COP1: variants seen among roughly 807,000 people sequenced by gnomAD.
The protein encoded by COP1 is COP1 E3 ubiquitin ligase.
COP1 carries 24 observed loss-of-function variants against 101.3 expected under a neutral mutation model. The ratio of observed to expected loss-of-function variants is 0.24; its 90% CI spans 0.17 to 0.33. The LOEUF is 0.33. Ranked by LOEUF, COP1 falls within the 10% of genes least tolerant of loss-of-function variation. COP1 has a pLI of 1.00. For synonymous variants in COP1, 347 were observed against 341.9 expected (o/e 1.01, Z -0.17); for missense variants, 663 against 906.2 (o/e 0.73, Z 3.45).
In COP1 at chr1:175,960,252, A is replaced by T. The variant is rs537842071; in HGVS notation, c.2134-13013T>A. 7.9e-5 allele frequency among the ~76,000 whole-genome samples: 12 copies of T among 152,326 alleles called. No individual in the cohort carries two copies. In the South Asian group the frequency reaches 2.5e-3, roughly 32 times the overall value. ...ATTAAATGTCTTTGGAGTCTGAAAG[A>T]TTTCAATTCAAAGCTCTAACGCTTC... On this transcript the variant is annotated intron_variant, in intron 18 of 19. Transcript: ENST00000367669.
intron 15 of COP1, among the ~76,000 whole-genome samples, chr1:176,007,277 C>T (rs1663510687): frequency 6.6e-6 from 1 of 152,058 alleles, no homozygotes; most frequent in Admixed American, 6.5e-5. Flanking sequence ...AACTTCTTTG[C>T]CTTTGGTTTG....
At chr1:176,055,740 T>G (rs2149260843) in intron 11 of COP1, among the ~76,000 whole-genome samples, 1 of 152,358 alleles carries the variant, frequency 6.6e-6, no homozygotes, top group African/African-American at 2.4e-5. Context: ...CTGATTAGGT[T>G]GACTAACAAT....
At chr1:176,148,094 G>A (rs904941700) in intron 6 of COP1, among the ~76,000 whole-genome samples, 19 of 151,316 alleles carry the variant, frequency 1.3e-4, no homozygotes, top group Admixed American at 5.3e-4. Flanking sequence ...AAAAACCTGA[G>A]ACACAAGTAA....
chr1:176,038,249 G>A (rs938795204), intron 14 of COP1, among the ~76,000 whole-genome samples: 3 of 152,046 alleles, frequency 2.0e-5, no homozygotes, highest in African/African-American at 4.8e-5. Flanking sequence ...AATCATAAAA[G>A]CCCTACATAT....
chr1:176,092,076 G>A (rs968585978), intron 9 of COP1, among the ~76,000 whole-genome samples: 3 of 152,068 alleles, frequency 2.0e-5, no homozygotes, highest in African/African-American at 7.2e-5. Context: ...ACATTTTTCA[G>A]GCAGAAATTG....
intron 15 of COP1, among the ~76,000 whole-genome samples, chr1:175,994,269 C>T (rs528569951): frequency 1.3e-5 from 2 of 151,946 alleles, no homozygotes; most frequent in African/African-American, 4.8e-5. Context: ...AGGAACAACC[C>T]ATACCAGCCA....
At chr1:176,000,654 AAC>A (rs1202061872) in intron 15 of COP1, among the ~76,000 whole-genome samples, 1 of 151,994 alleles carries the variant, frequency 6.6e-6, no homozygotes, top group East Asian at 1.9e-4. Flanking sequence ...TGAAATCCAA[AAC>A]ACATCTGGTT....
intron 9 of COP1, among the ~76,000 whole-genome samples, chr1:176,107,745 A>G (rs540579046): frequency 4.8e-4 from 73 of 152,288 alleles, no homozygotes; most frequent in African/African-American, 1.8e-3. Flanking sequence ...TCGAGTGATC[A>G]AAGTTAACAT....
chr1:176,046,778 T>C (rs1671595908), intron 11 of COP1, among the ~76,000 whole-genome samples: 1 of 152,058 alleles, frequency 6.6e-6, no homozygotes, highest in Non-Finnish European at 1.5e-5. Context: ...TAAATTAGTA[T>C]ATAATTTGAA....
rs575321615 is a variant in COP1, at chr1:176,171,707, TA to T, written c.565+4202del. Among the ~76,000 whole-genome samples the T allele has an allele frequency of 3.8e-3, 571 of 151,502 alleles. 6 individuals are homozygous for T. The highest frequency in any genetic ancestry group is 0.013 in the African/African-American group (542 of 40,808). ...TTTGTTAAAAAAAATGCAACTTCTA[TA>T]AAGTGCAATAAAGCAAAGTACAATA... On this transcript the variant is annotated intron_variant, in intron 3 of 19. Transcript: ENST00000367669.
At chr1:175,969,340 A>C (rs12723724) in intron 18 of COP1, among the ~76,000 whole-genome samples, 41,010 of 152,068 alleles carry the variant, frequency 0.27, 6,603 homozygotes, top group East Asian at 0.49. Flanking sequence ...AAGCAGGAAG[A>C]CCTTCTCCCA....
intron 8 of COP1, among the ~76,000 whole-genome samples, chr1:176,130,510 C>T (rs144129765): frequency 2.6e-5 from 4 of 151,626 alleles, no homozygotes; most frequent in African/African-American, 4.8e-5. Flanking sequence ...ATTAATTCTA[C>T]GGAAAGTCTG....
intron 18 of COP1, among the ~76,000 whole-genome samples, chr1:175,969,080 C>T (rs921097152): frequency 2.6e-5 from 4 of 152,196 alleles, no homozygotes; most frequent in East Asian, 3.8e-4. Context: ...TCTGGTAAAG[C>T]TGATTCTAGA....
At chr1:176,056,930 G>A (rs1448810410) in intron 11 of COP1, among the ~76,000 whole-genome samples, 1 of 152,098 alleles carries the variant, frequency 6.6e-6, no homozygotes, top group Non-Finnish European at 1.5e-5. Context: ...CTGAGCAAAG[G>A]ATAAAGTTAT....
chr1:175,952,239 T>C lies in COP1; in HGVS notation c.2134-5000A>G, dbSNP rs374909267. Among the ~76,000 whole-genome samples the C allele has an allele frequency of 4.0e-5, 6 of 151,338 alleles. No homozygotes were observed. The South Asian group carries it at 1.0e-3, about 26-fold the overall frequency. On this transcript the variant is annotated intron_variant, in intron 18 of 19. Transcript: ENST00000367669. The stretch of plus-strand genomic sequence containing the variant: ...GAGTTTGAGAGCAGCCTGGCCAACA[T>C]GGTGAAACCCCATCTCTACTAAAAA...
intron 6 of COP1, among the ~76,000 whole-genome samples, chr1:176,138,886 C>T (rs902747045): frequency 6.6e-6 from 1 of 152,164 alleles, no homozygotes; most frequent in Non-Finnish European, 1.5e-5. Context: ...AAAACACTCC[C>T]ATGGTAATCT....
intron 15 of COP1, among the ~76,000 whole-genome samples, chr1:176,023,829 A>C (rs1667214042): frequency 6.6e-6 from 1 of 152,210 alleles, no homozygotes. Flanking sequence ...CAGTTTCTCT[A>C]ATGAATTCTA....
rs765927993 is a variant in COP1, at chr1:176,206,703, C to A, written c.276G>T (p.Ala92=). 1.9e-6 allele frequency: 3 copies of A among 1,602,072 alleles called. No homozygotes were observed. The highest frequency in any genetic ancestry group is 3.4e-5 in the Admixed American group (2 of 59,518). The change falls in exon 1 of 20, where the codon GCG becomes GCT. Residue 92 remains alanine, a synonymous_variant. Coordinates refer to ENST00000367669, the MANE Select transcript of COP1 (RefSeq NM_022457.7). ...VSTGLSRHSC[A]ARPSAGVGGS... ...CTCCTACGCCGGCGCTGGGCCTGGC[C>A]GCGCAGCTGTGCCGGGACAGGCCCG...
intron 17 of COP1, 71 bp from the exon 18 acceptor site, chr1:175,987,174 T>C: frequency 1.3e-6 from 1 of 774,834 alleles, no homozygotes; most frequent in East Asian, 2.9e-5. Context: ...AGTCTAATAG[T>C]AATTATCAGC....
Sources: allele counts gnomAD v4.1 joint callset (sites outside exome capture counted in the v4.1 genomes callset), GRCh38; gene constraint gnomAD v4.1.1; transcripts MANE v1.5; gene names NCBI Gene and HGNC (gene_info 2026-07-23, HGNC 2026-07-21).